The following LMBR1 variants were observed in gnomAD, a reference collection of about 807,000 sequenced individuals.
LMBR1 encodes the protein limb development membrane protein 1.
In LMBR1, 52 loss-of-function variants were observed where a neutral mutation model predicts 73.9. The ratio of observed to expected loss-of-function variants is 0.70; its 90% confidence interval spans 0.56 to 0.89. The LOEUF (loss-of-function observed/expected upper bound fraction) is 0.89. Among genes scored for constraint, LMBR1 ranks in the 40% least tolerant of loss-of-function variants. The probability of loss-of-function intolerance (pLI) is 0.00; values close to 1 mark genes in which losing one functional copy is unlikely to be tolerated. For missense variants in LMBR1, 539 were observed against 579.8 expected, an observed-to-expected ratio of 0.93 and a Z score of 0.72; for synonymous variants, 215 against 209.4, an observed-to-expected ratio of 1.03 and a Z score of -0.23.
At chr7:156,804,935 C>T (rs1831728566) in intron 4 of LMBR1, among the ~76,000 whole-genome samples, 1 of 152,200 alleles carries the variant, frequency 6.6e-6, no homozygotes, top group Admixed American at 6.5e-5. Context: ...AGACTTTCTC[C>T]TACATTTTCT....
chr7:156,806,210 C>T (rs185395060), intron 4 of LMBR1, among the ~76,000 whole-genome samples: 24 of 152,144 alleles, frequency 1.6e-4, no homozygotes, highest in African/African-American at 3.9e-4. Context: ...CTCACGCATC[C>T]CTAAGTATTT....
intron 4 of LMBR1, among the ~76,000 whole-genome samples, chr7:156,671,592 A>G (rs1004536172): frequency 2.6e-4 from 40 of 151,334 alleles, no homozygotes; most frequent in African/African-American, 9.4e-4. Context: ...TTATAAGTTC[A>G]GCTTCTAGAT....
At chr7:156,798,778 C>G (rs142534813) in intron 4 of LMBR1, among the ~76,000 whole-genome samples, 33 of 152,002 alleles carry the variant, frequency 2.2e-4, no homozygotes, top group African/African-American at 7.7e-4. Flanking sequence ...AATACATGAC[C>G]GTTTCAAATC....
At chr7:156,750,965 C>T (rs1820764471) in intron 9 of LMBR1, among the ~76,000 whole-genome samples, 1 of 151,984 alleles carries the variant, frequency 6.6e-6, no homozygotes, top group South Asian at 2.1e-4. Context: ...CAAAAATTAG[C>T]CGGGTATGGT....
intron 16 of LMBR1, among the ~76,000 whole-genome samples, chr7:156,684,653 C>T (rs117879882): frequency 2.0e-5 from 3 of 152,190 alleles, no homozygotes; most frequent in Non-Finnish European, 2.9e-5. Context: ...TTCCCACTTG[C>T]ATTTTAAAAT....
At chr7:156,820,194 T>C (rs931724149) in intron 4 of LMBR1, among the ~76,000 whole-genome samples, 5 of 152,180 alleles carry the variant, frequency 3.3e-5, no homozygotes, top group Non-Finnish European at 5.9e-5. Flanking sequence ...TGTGGCTTCA[T>C]TGCCTGAACA....
intron 13 of LMBR1, 50 bp downstream of exon 13, chr7:156,725,714 T>G (rs770314027): frequency 3.9e-6 from 6 of 1,532,706 alleles, no homozygotes; most frequent in Non-Finnish European, 2.7e-6. Context: ...CCCAGAAAAC[T>G]TGGTATAAAA....
Position 156,685,496 on chromosome 7 carries a change from A to T in LMBR1, c.1388-1333T>A, listed in dbSNP as rs1387168598. ...TGCAGGGTGTGGCCGGCTGCTCCTCAGTTACCAAGCAGACAGCATGTCACT... is the reference window on the plus strand; with the variant it reads ...TGCAGGGTGTGGCCGGCTGCTCCTCTGTTACCAAGCAGACAGCATGTCACT... On this transcript the variant is annotated intron_variant, in intron 16 of 16. Transcript: ENST00000353442. The surrounding 1 kb of genome is among the most constrained non-coding windows in gnomAD (Gnocchi z 4.1). 6.6e-6 allele frequency among the ~76,000 whole-genome samples: 1 copy of T among 152,242 alleles called. No homozygotes were observed. The highest frequency in any genetic ancestry group is 1.9e-4 in the East Asian group (1 of 5,198).
At position 156,801,856 on chromosome 7, in the gene LMBR1, G is replaced by A. The variant is rs563680237; in HGVS notation, c.320-5364C>T. ...CAGCTACCACCTTAATATTTTATGA[G>A]GGAAGGTCCCCCGTTTTACAGACGG... On this transcript the variant is annotated intron_variant, in intron 4 of 16. Transcript: ENST00000353442. Among the ~76,000 whole-genome samples the A allele has an allele frequency of 1.1e-4, 17 of 152,210 alleles. No homozygotes were observed. The East Asian group carries it at 3.3e-3, about 29-fold the overall frequency.
intron 1 of LMBR1, among the ~76,000 whole-genome samples, chr7:156,879,879 G>A (rs939552884): frequency 3.9e-5 from 6 of 152,140 alleles, no homozygotes; most frequent in African/African-American, 1.4e-4. Flanking sequence ...CAGTGAAAAG[G>A]GAACACTTCT....
chr7:156,724,119 T>C lies in LMBR1; in HGVS notation c.1218A>G (p.Arg406=). Residue 406 remains arginine (R), a synonymous_variant, in exon 15 of 17, where the codon AGA becomes AGG. Transcript: ENST00000353442. The part of the protein sequence containing the change: ...VLSSALPVMS[R]TLGITRFDLL... ...TTTCTCACTGAAACTTACCCAGTGT[T>C]CTCGACATCACAGGCAGAGCAGAGC... The C allele has an allele frequency of 6.2e-7, 1 of 1,609,880 alleles. No homozygotes were observed. Among genetic ancestry groups the C allele is most frequent in the Non-Finnish European group, 8.5e-7 (1 of 1,177,732 alleles).
chr7:156,884,501 C>T (rs998339173), intron 1 of LMBR1, among the ~76,000 whole-genome samples: 2 of 152,100 alleles, frequency 1.3e-5, no homozygotes, highest in Non-Finnish European at 2.9e-5. Context: ...AGCTTTATTC[C>T]AGTCTTCTTT....
At chr7:156,797,619 C>T (rs1830272001) in intron 4 of LMBR1, among the ~76,000 whole-genome samples, 3 of 152,196 alleles carry the variant, frequency 2.0e-5, no homozygotes, top group African/African-American at 4.8e-5. Flanking sequence ...GGAGCAGAGC[C>T]GTCCCTAACT....
At chr7:156,699,682 C>G (rs935795212) in intron 15 of LMBR1, among the ~76,000 whole-genome samples, 35 of 152,084 alleles carry the variant, frequency 2.3e-4, no homozygotes, top group African/African-American at 8.4e-4. Flanking sequence ...TATCCAGAAT[C>G]TACAATGAAC....
At chr7:156,748,386 TTA>T (rs1820218469) in intron 9 of LMBR1, among the ~76,000 whole-genome samples, 1 of 152,230 alleles carries the variant, frequency 6.6e-6, no homozygotes, top group African/African-American at 2.4e-5. Flanking sequence ...TTTTAAACTT[TTA>T]TGTTTATATA....
At position 156,681,307 on chromosome 7, in the gene LMBR1, C is replaced by T. The variant is rs756411300; in HGVS notation, c.*2771G>A. 18 of 372,630 alleles carry T rather than the reference C, an allele frequency of 4.8e-5. No homozygotes were observed. The highest frequency in any genetic ancestry group is 1.1e-4 in the African/African-American group (5 of 46,214). 23.1% of individuals were successfully genotyped at this position (372,630 alleles called of 1,614,324 possible). ...CTTTAACACATCTGAGAGCAAAACG[C>T]GAGAGGCTCCGTCCATCTCTACTAA... On this transcript the variant is annotated 3_prime_UTR_variant, in exon 17 of 17. Transcript: ENST00000353442.
At chr7:156,706,003 A>G (rs1448781468) in intron 15 of LMBR1, among the ~76,000 whole-genome samples, 1 of 152,184 alleles carries the variant, frequency 6.6e-6, no homozygotes, top group African/African-American at 2.4e-5. Context: ...GGATAGAGAA[A>G]AACATGATCC....
intron 1 of LMBR1, among the ~76,000 whole-genome samples, chr7:156,865,445 T>C (rs186601607): frequency 6.6e-6 from 1 of 152,328 alleles, no homozygotes; most frequent in Non-Finnish European, 1.5e-5. Flanking sequence ...TTTCTGAATA[T>C]AGAAAGACAT....
chr7:156,727,287 C>T (rs1382213040), intron 12 of LMBR1, among the ~76,000 whole-genome samples: 1 of 152,056 alleles, frequency 6.6e-6, no homozygotes, highest in East Asian at 1.9e-4. Context: ...TCTCCTATGA[C>T]GTACAAGTCA....
Sources: gnomAD v4.1 joint callset for allele counts (sites outside exome capture counted in the v4.1 genomes callset) on GRCh38, gnomAD v4.1.1 for gene constraint, Gnocchi (gnomAD v3.1) non-coding constraint, MANE v1.5 for transcripts, NCBI Gene and HGNC (gene_info 2026-07-23, HGNC 2026-07-21) for gene names.